The following NRXN3 variants were observed in gnomAD, a reference collection of about 807,000 sequenced individuals.
NRXN3 encodes the protein neurexin 3.
NRXN3 carries 32 observed loss-of-function variants against 137.6 expected under a neutral mutation model. The ratio of observed to expected loss-of-function variants is 0.23; its 90% CI spans 0.18 to 0.31. The LOEUF (loss-of-function observed/expected upper bound fraction) is 0.31. Ranked by LOEUF, NRXN3 falls within the 10% of genes least tolerant of loss-of-function variation. The probability of loss-of-function intolerance (pLI) is 1.00; values close to 1 mark genes in which losing one functional copy is unlikely to be tolerated. For synonymous variants in NRXN3, 798 were observed against 784.5 expected (o/e 1.02, Z -0.29); for missense variants, 1,574 against 2,062.5 (o/e 0.76, Z 4.59).
chr14:79,826,722 T>C (rs952954452), intron 20 of NRXN3, among the ~76,000 whole-genome samples: 8 of 152,202 alleles, frequency 5.3e-5, no homozygotes, highest in African/African-American at 1.9e-4. Context: ...TCCCAGTCTG[T>C]GATCCAATCC....
intron 15 of NRXN3, among the ~76,000 whole-genome samples, chr14:79,107,217 G>T (rs1411786410): frequency 6.6e-6 from 1 of 152,064 alleles, no homozygotes; most frequent in Non-Finnish European, 1.5e-5. Context: ...ACTGATGAGG[G>T]TACTCAGGAC....
chr14:78,858,861 G>A (rs1007593582), intron 10 of NRXN3, among the ~76,000 whole-genome samples: 11 of 152,106 alleles, frequency 7.2e-5, no homozygotes, highest in African/African-American at 2.7e-4. Flanking sequence ...TTTAGAGTTT[G>A]GGATTTCAAG....
chr14:79,404,784 G>A (rs947036222), intron 15 of NRXN3, among the ~76,000 whole-genome samples: 3 of 152,168 alleles, frequency 2.0e-5, no homozygotes, highest in African/African-American at 4.8e-5. Context: ...AAAGTTTACC[G>A]TTTTCTCTTT....
chr14:78,359,570 C>T (rs1399039041), intron 4 of NRXN3, among the ~76,000 whole-genome samples: 1 of 152,156 alleles, frequency 6.6e-6, no homozygotes, highest in Non-Finnish European at 1.5e-5. Flanking sequence ...AGAACAACAT[C>T]CCCATATAAG....
chr14:79,670,243 A>G (rs1314985036), intron 17 of NRXN3, among the ~76,000 whole-genome samples: 9 of 152,036 alleles, frequency 5.9e-5, no homozygotes, highest in African/African-American at 1.9e-4. Context: ...ATTTGCCTTC[A>G]TGTACCTTCT....
chr14:78,897,195 T>TG (rs2099179416), intron 10 of NRXN3, among the ~76,000 whole-genome samples: 1 of 151,862 alleles, frequency 6.6e-6, no homozygotes, highest in African/African-American at 2.4e-5. Context: ...ATAAAGTGTT[T>TG]GTTTGTGCCG....
rs74540389 is a variant in NRXN3 at position 78,941,239 on chromosome 14, C to T, written c.2276-16003C>T. ...AGGTTATTGAGACCAGGATGATCTA[C>T]GCTGCATCTAACTGGGGGATATTAA... On this transcript the variant is annotated intron_variant, in intron 10 of 20. Coordinates refer to ENST00000335750, the MANE Select transcript of NRXN3 (RefSeq NM_001330195.2). Among the ~76,000 whole-genome samples the T allele has an allele frequency of 8.5e-3, 1,301 of 152,256 alleles. 14 individuals carry two copies. The highest frequency in any genetic ancestry group is 0.03 in the African/African-American group (1,234 of 41,542).
Position 78,864,496 on chromosome 14 carries a change from T to C in NRXN3, c.2275+54152T>C, listed in dbSNP as rs1054715546. Among the ~76,000 whole-genome samples the C allele has an allele frequency of 4.1e-4, 63 of 152,198 alleles. 1 individual carries two copies. The highest frequency in any genetic ancestry group is 3.1e-4 in the Non-Finnish European group (21 of 68,040). Reference sequence around the variant, plus strand: ...GTGAATTATTGTCATTAACTTATCCTTTCGGTGCTTCACCTCTCCATACAT... The same window carrying C: ...GTGAATTATTGTCATTAACTTATCCCTTCGGTGCTTCACCTCTCCATACAT... On this transcript the variant is annotated intron_variant, in intron 10 of 20. Transcript: ENST00000335750.
intron 15 of NRXN3, among the ~76,000 whole-genome samples, chr14:79,155,437 A>G (rs2060176736): frequency 6.6e-6 from 1 of 151,920 alleles, no homozygotes; most frequent in African/African-American, 2.4e-5. Context: ...CCTGTGACAT[A>G]TGAATACCAC....
chr14:78,941,792 C>T (rs753834992), intron 10 of NRXN3, among the ~76,000 whole-genome samples: 1 of 152,196 alleles, frequency 6.6e-6, no homozygotes, highest in African/African-American at 2.4e-5. Flanking sequence ...TGACTTTATG[C>T]GTCATTATCC....
chr14:79,481,790 A>G (rs2096611005), intron 16 of NRXN3, among the ~76,000 whole-genome samples: 1 of 152,126 alleles, frequency 6.6e-6, no homozygotes, highest in African/African-American at 2.4e-5. Context: ...GGTTTTTCCA[A>G]GACAGCTCGG....
intron 10 of NRXN3, among the ~76,000 whole-genome samples, chr14:78,943,624 ATAT>A (rs2099358903): frequency 0.024 from 375 of 15,820 alleles, 40 homozygotes; most frequent in Non-Finnish European, 0.032. Context: ...AAAAAAAAAT[ATAT>A]ATATATATAT....
chr14:79,086,279 G>GC (rs1010175686), intron 15 of NRXN3, among the ~76,000 whole-genome samples: 6 of 152,100 alleles, frequency 3.9e-5, no homozygotes, highest in African/African-American at 1.4e-4. Flanking sequence ...TTTTCTCAAG[G>GC]CCGTGTATCT....
chr14:79,111,224 G>A (rs947463841), intron 15 of NRXN3, among the ~76,000 whole-genome samples: 2 of 152,196 alleles, frequency 1.3e-5, no homozygotes, highest in African/African-American at 4.8e-5. Flanking sequence ...AAGAGCTGAT[G>A]TGAGTGCTGG....
chr14:79,123,116 A>C (rs2055738011), intron 15 of NRXN3, among the ~76,000 whole-genome samples: 1 of 152,206 alleles, frequency 6.6e-6, no homozygotes, highest in Non-Finnish European at 1.5e-5. Flanking sequence ...TAGGATGCTA[A>C]TTAGAGGGTA....
At chr14:79,229,521 A>G (rs899608556) in intron 15 of NRXN3, among the ~76,000 whole-genome samples, 4 of 152,280 alleles carry the variant, frequency 2.6e-5, no homozygotes, top group African/African-American at 7.2e-5. Context: ...CAGTGTCATG[A>G]GAGAAGGAAA....
chr14:78,697,131 C>G (rs575873069), intron 6 of NRXN3, among the ~76,000 whole-genome samples: 7 of 151,972 alleles, frequency 4.6e-5, no homozygotes, highest in Non-Finnish European at 8.8e-5. Context: ...TATTTAATCT[C>G]AGAATACAAA....
At chr14:79,301,335 G>A (rs1327902805) in intron 15 of NRXN3, among the ~76,000 whole-genome samples, 3 of 152,018 alleles carry the variant, frequency 2.0e-5, no homozygotes, top group African/African-American at 7.2e-5. Context: ...AGATGGAAAG[G>A]AAGGAAGAGG....
At chr14:78,244,298 C>T (rs562613293) in intron 2 of NRXN3, among the ~76,000 whole-genome samples, 6 of 152,190 alleles carry the variant, frequency 3.9e-5, no homozygotes, top group African/African-American at 9.6e-5. Flanking sequence ...GGCATGGTGG[C>T]GCACGCCTGT....
Sources: gnomAD v4.1 joint callset for allele counts (sites outside exome capture counted in the v4.1 genomes callset) on GRCh38, gnomAD v4.1.1 for gene constraint, MANE v1.5 for transcripts, NCBI Gene and HGNC (gene_info 2026-07-23, HGNC 2026-07-21) for gene names.